TSGA10: variants seen among roughly 807,000 people sequenced by gnomAD.
TSGA10 encodes testis-specific gene 10 protein.
A neutral mutation model predicts 96.6 loss-of-function variants in TSGA10; 43 were observed. That is an observed-to-expected ratio of 0.44 (90% CI 0.35 to 0.57). TSGA10 has a LOEUF of 0.57. TSGA10 is among the 20% of genes least tolerant of loss of function. The pLI is 0.01. For synonymous variants in TSGA10, 229 were observed against 269.9 expected (o/e 0.85, Z 1.48); for missense variants, 703 against 834.4 (o/e 0.84, Z 1.94).
In TSGA10 at chr2:99,073,028, G is replaced by T. The variant is rs945196249; in HGVS notation, c.928C>A (p.Gln310Lys). The T allele has an allele frequency of 6.2e-7, 1 of 1,608,674 alleles. No individual in the cohort carries two copies. Among genetic ancestry groups the T allele is most frequent in the Non-Finnish European group, 8.5e-7 (1 of 1,176,418 alleles). The change falls in exon 13 of 21, where the codon CAG (glutamine) becomes AAG (lysine). Residue 310 changes from glutamine to lysine, a missense_variant. Coordinates refer to ENST00000393483, the MANE Select transcript of TSGA10 (RefSeq NM_025244.4). The stretch of plus-strand genomic sequence containing the variant: ...GCACGACTGATTTACCTTGATGCCT[G>T]TTCCATCTCAGCAATGATATTCTTC... ...GMKNIIAEME[Q>K]ASRQCTEALI...
At chr2:99,107,282 G>C (rs2091437605) in intron 7 of TSGA10, among the ~76,000 whole-genome samples, 1 of 152,118 alleles carries the variant, frequency 6.6e-6, no homozygotes, top group Non-Finnish European at 1.5e-5. Flanking sequence ...ATGTGCACTA[G>C]TGTAACAGCC....
At chr2:99,059,076 ATT>A (rs1259424422) in intron 16 of TSGA10, among the ~76,000 whole-genome samples, 1,646 of 109,580 alleles carry the variant, frequency 0.015, 10 homozygotes, top group Middle Eastern at 0.032. Context: ...ATATTTATAT[ATT>A]TTTATATATA....
chr2:99,000,919 A>G (rs2077840108), intron 20 of TSGA10, among the ~76,000 whole-genome samples: 2 of 152,132 alleles, frequency 1.3e-5, no homozygotes, highest in African/African-American at 4.8e-5. Flanking sequence ...CAAGGCTGGG[A>G]GAGGGGCATC....
At chr2:99,009,205 C>A (rs1026099856) in intron 20 of TSGA10, among the ~76,000 whole-genome samples, 1 of 151,908 alleles carries the variant, frequency 6.6e-6, no homozygotes, top group African/African-American at 2.4e-5. Flanking sequence ...ACAATGAATA[C>A]CATGACCAAA....
intron 13 of TSGA10, among the ~76,000 whole-genome samples, chr2:99,072,806 C>G (rs2086140325): frequency 6.6e-6 from 1 of 152,154 alleles, no homozygotes; most frequent in Admixed American, 6.5e-5. Context: ...CTTTGCTATT[C>G]TTTCTACTTT....
intron 10 of TSGA10, among the ~76,000 whole-genome samples, chr2:99,099,765 G>A (rs1343783244): frequency 6.6e-6 from 1 of 152,084 alleles, no homozygotes; most frequent in East Asian, 1.9e-4. Flanking sequence ...AATTAGAGAG[G>A]CAGGAAAAGA....
chr2:99,002,805 T>C (rs1054687843), intron 20 of TSGA10, among the ~76,000 whole-genome samples: 4 of 150,990 alleles, frequency 2.6e-5, no homozygotes, highest in African/African-American at 4.9e-5. Context: ...AACAAGCAAA[T>C]GGAAAACAAC....
chr2:99,065,962 A>C (rs573735601), intron 15 of TSGA10, among the ~76,000 whole-genome samples: 1 of 152,360 alleles, frequency 6.6e-6, no homozygotes, highest in South Asian at 2.1e-4. Context: ...TATTTAAAAA[A>C]ATATTTTATT....
At position 99,017,617 on chromosome 2, in the gene TSGA10, T is replaced by A. The variant is rs192835391; in HGVS notation, c.2072+583A>T. Among the ~76,000 whole-genome samples the A allele has an allele frequency of 1.2e-4, 18 of 151,390 alleles. 2 individuals are homozygous for A. In the East Asian group the frequency reaches 3.5e-3, roughly 29 times the overall value. ...CGTCTCTACTAAAAATACAAAAAAT[T>A]AGCCGGGCGTAGTGGCGGGCGCCTG... On this transcript the variant is annotated intron_variant, in intron 20 of 20. Transcript: ENST00000393483.
chr2:99,107,294 T>G (rs1397735811), intron 7 of TSGA10, among the ~76,000 whole-genome samples: 1 of 152,194 alleles, frequency 6.6e-6, no homozygotes, highest in Non-Finnish European at 1.5e-5. Context: ...GTAACAGCCT[T>G]CTAAAGAGGA....
At chr2:99,122,469 A>T (rs1434821777) in intron 2 of TSGA10, among the ~76,000 whole-genome samples, 5 of 152,032 alleles carry the variant, frequency 3.3e-5, no homozygotes, top group South Asian at 2.1e-4. Flanking sequence ...ACAGTTAAAT[A>T]CAATTTTGTA....
At chr2:99,035,507 G>C in intron 16 of TSGA10, 68 bp from the exon 17 acceptor site, 2 of 1,117,630 alleles carry the variant, frequency 1.8e-6, no homozygotes, top group Admixed American at 2.8e-5. Context: ...CTATAACATG[G>C]AAAAATGAAG....
intron 1 of TSGA10, among the ~76,000 whole-genome samples, chr2:99,151,932 T>C (rs1559160187): frequency 1.3e-5 from 2 of 152,228 alleles, no homozygotes; most frequent in Non-Finnish European, 2.9e-5. Flanking sequence ...GGGGAAGCTA[T>C]ATTTTATTAA....
At position 99,075,787 on chromosome 2, in the gene TSGA10, G is replaced by A. The variant is rs530804479; in HGVS notation, c.883-2714C>T. Among the ~76,000 whole-genome samples, 11 of 152,200 alleles carry A rather than the reference G, an allele frequency of 7.2e-5. No individual in the cohort carries two copies. In the East Asian group the frequency reaches 2.1e-3, roughly 29 times the overall value. On this transcript the variant is annotated intron_variant, in intron 12 of 20. Coordinates refer to ENST00000393483, the MANE Select transcript of TSGA10 (RefSeq NM_025244.4). The stretch of plus-strand genomic sequence containing the variant: ...ATAACATTGTTACGGTTCGCAGAAT[G>A]GAAGAAATGTGAAATATTAGATATA...
chr2:99,037,830 C>A (rs972546076), intron 16 of TSGA10, among the ~76,000 whole-genome samples: 1 of 151,922 alleles, frequency 6.6e-6, no homozygotes, highest in Admixed American at 6.6e-5. Flanking sequence ...CCCTGGTCAA[C>A]AAGAGCGAAA....
At chr2:99,067,523 G>T (rs549203614) in intron 15 of TSGA10, among the ~76,000 whole-genome samples, 1 of 152,266 alleles carries the variant, frequency 6.6e-6, no homozygotes, top group South Asian at 2.1e-4. Context: ...GAGATAAAGG[G>T]AAGTGTTTAA....
At chr2:99,094,978 C>A (rs538839291) in intron 10 of TSGA10, among the ~76,000 whole-genome samples, 1 of 152,056 alleles carries the variant, frequency 6.6e-6, no homozygotes, top group Non-Finnish European at 1.5e-5. Flanking sequence ...TTAGCAATTT[C>A]AAAAATATGG....
At chr2:99,109,105 G>T in intron 6 of TSGA10, 114 bp from the exon 7 acceptor site, 1 of 876,132 alleles carries the variant, frequency 1.1e-6, no homozygotes, top group Non-Finnish European at 1.7e-6. Context: ...ATAATGAAAG[G>T]AAATTATAAA....
chr2:99,035,406 T>C lies in TSGA10; in HGVS notation c.1438A>G (p.Ile480Val), dbSNP rs201799068. Residue 480 changes from isoleucine to valine, a missense_variant, in exon 17 of 21, where the codon ATT (isoleucine) becomes GTT (valine). Transcript: ENST00000393483. ...LNAERSYKSQ[I>V]STLHKSVVKM... Reference sequence around the variant, plus strand: ...ACAACAGATTTATGTAAGGTAGAAATCTGGGACTTGTAAGACCTTTCTGCA... The same window carrying C: ...ACAACAGATTTATGTAAGGTAGAAACCTGGGACTTGTAAGACCTTTCTGCA... 6.8e-6 allele frequency: 11 copies of C among 1,612,346 alleles called. No individual in the cohort carries two copies. In the East Asian group the frequency reaches 2.2e-4, roughly 33 times the overall value.
Sources: allele counts gnomAD v4.1 joint callset (sites outside exome capture counted in the v4.1 genomes callset), GRCh38; gene constraint gnomAD v4.1.1; transcripts MANE v1.5; gene names NCBI Gene and HGNC (gene_info 2026-07-23, HGNC 2026-07-21).